Variants in UBXN2A observed in about 807,000 individuals in gnomAD.
UBXN2A encodes the protein UBX domain protein 2A.
In UBXN2A, 28 loss-of-function variants were observed where a neutral mutation model predicts 28.4. That is an observed-to-expected ratio of 0.99 (90% CI 0.73 to 1.35). UBXN2A has a LOEUF of 1.35. UBXN2A is among the 40% of genes most tolerant of loss of function. UBXN2A has a pLI of 0.00. For synonymous variants in UBXN2A, 97 were observed against 103.6 expected (o/e 0.94, Z 0.39); for missense variants, 253 against 297.9 (o/e 0.85, Z 1.11).
chr2:23,964,848 A>G (rs968982332), intron 2 of UBXN2A, among the ~76,000 whole-genome samples: 2 of 152,200 alleles, frequency 1.3e-5, no homozygotes, highest in African/African-American at 4.8e-5. Flanking sequence ...CTGACATTTT[A>G]AGATGTGTTT....
intron 6 of UBXN2A, among the ~76,000 whole-genome samples, chr2:23,988,574 G>A (rs958337157): frequency 6.6e-6 from 1 of 152,148 alleles, no homozygotes; most frequent in African/African-American, 2.4e-5. Flanking sequence ...ATTCCAACAG[G>A]TGGCATCATT....
At chr2:23,966,507 C>T (rs547501260) in intron 2 of UBXN2A, among the ~76,000 whole-genome samples, 4 of 147,012 alleles carry the variant, frequency 2.7e-5, no homozygotes, top group East Asian at 4.0e-4. Context: ...GGCTGGAGTG[C>T]GGTGGCGTGA....
At chr2:23,966,578 G>A (rs1286192879) in intron 2 of UBXN2A, among the ~76,000 whole-genome samples, 10 of 144,790 alleles carry the variant, frequency 6.9e-5, no homozygotes, top group African/African-American at 1.5e-4. Flanking sequence ...TCAGCCTCCC[G>A]AGTAGCTGGG....
chr2:23,960,199 T>C (rs1033808836), intron 2 of UBXN2A, among the ~76,000 whole-genome samples: 1 of 151,714 alleles, frequency 6.6e-6, no homozygotes, highest in African/African-American at 2.4e-5. Flanking sequence ...GAGCTTGCAG[T>C]GAGTCGAGAT....
chr2:23,971,059 A>C (rs1465313170), intron 2 of UBXN2A, among the ~76,000 whole-genome samples: 1 of 152,200 alleles, frequency 6.6e-6, no homozygotes, highest in African/African-American at 2.4e-5. Flanking sequence ...GCAAAGCATT[A>C]TTCATTTCTA....
intron 2 of UBXN2A, among the ~76,000 whole-genome samples, chr2:23,962,430 A>G (rs1294541122): frequency 6.6e-6 from 1 of 152,152 alleles, no homozygotes; most frequent in African/African-American, 2.4e-5. Flanking sequence ...ATTTGGAAAC[A>G]ATATATTTTA....
At chr2:23,942,167 G>A (rs1171117260) in intron 1 of UBXN2A, among the ~76,000 whole-genome samples, 1 of 152,198 alleles carries the variant, frequency 6.6e-6, no homozygotes, top group Admixed American at 6.6e-5. Flanking sequence ...TTGTTTGTGA[G>A]AGAAGGTAAC....
intron 4 of UBXN2A, among the ~76,000 whole-genome samples, chr2:23,980,503 G>C (rs1707848486): frequency 6.6e-6 from 1 of 151,926 alleles, no homozygotes; most frequent in Non-Finnish European, 1.5e-5. Context: ...ATGTCATTCT[G>C]GTTTTGATTT....
At chr2:23,978,017 A>T (rs1439968625) in intron 4 of UBXN2A, among the ~76,000 whole-genome samples, 1 of 151,948 alleles carries the variant, frequency 6.6e-6, no homozygotes, top group Non-Finnish European at 1.5e-5. Context: ...TTTTTTAATA[A>T]CAGTTTCACC....
At chr2:23,935,955 G>A (rs181020172), upstream of UBXN2A, among the ~76,000 whole-genome samples, 1 of 152,260 alleles carries the variant, frequency 6.6e-6, no homozygotes, top group East Asian at 1.9e-4. Flanking sequence ...GAAAAGCTGA[G>A]GTGAGAGAAT....
At chr2:23,990,370 G>C (rs1310797693) in intron 6 of UBXN2A, among the ~76,000 whole-genome samples, 1 of 151,678 alleles carries the variant, frequency 6.6e-6, no homozygotes, top group Non-Finnish European at 1.5e-5. Flanking sequence ...GCTCTGTTGT[G>C]ATTTTTACTG....
upstream of UBXN2A, among the ~76,000 whole-genome samples, chr2:23,935,555 T>C (rs72796351): frequency 0.12 from 18,319 of 152,134 alleles, 1,197 homozygotes; most frequent in Middle Eastern, 0.21. Flanking sequence ...TTCATACTCA[T>C]TAGGGCGGGA....
intron 1 of UBXN2A, chr2:23,944,212 C>T (rs1037103457): frequency 4.7e-5 from 74 of 1,562,938 alleles, no homozygotes; most frequent in Non-Finnish European, 6.2e-5. Flanking sequence ...CTCGTCTTCC[C>T]TCTCATGTAT....
rs915908401 is a variant in UBXN2A at position 24,000,745 on chromosome 2, A to G, written c.*878A>G. Reference sequence around the variant, plus strand: ...ATAAAAGAATAAAATTGTGTAGCTCAGTATAGTATCAAGATTAATCTGCCT... The same window carrying G: ...ATAAAAGAATAAAATTGTGTAGCTCGGTATAGTATCAAGATTAATCTGCCT... On this transcript the variant is annotated 3_prime_UTR_variant, in exon 7 of 7. Transcript: ENST00000309033. The G allele has an allele frequency of 3.3e-5, 5 of 152,120 alleles. No individual in the cohort carries two copies. The highest frequency in any genetic ancestry group is 5.9e-5 in the Non-Finnish European group (4 of 68,026). The allele number at this position is 152,120 out of a possible 1,614,324, so 9.4% of individuals were successfully genotyped here.
At chr2:23,951,827 C>G (rs1447977442) in intron 1 of UBXN2A, among the ~76,000 whole-genome samples, 1 of 152,096 alleles carries the variant, frequency 6.6e-6, no homozygotes, top group East Asian at 1.9e-4. Flanking sequence ...TTATATTTTT[C>G]TCTTTCCTTT....
At chr2:23,933,229 A>G (rs1158244206) in intron 1 of UBXN2A, among the ~76,000 whole-genome samples, 4 of 152,172 alleles carry the variant, frequency 2.6e-5, no homozygotes, top group Non-Finnish European at 5.9e-5. Flanking sequence ...AGAATAGGCC[A>G]AGCGTGGGGG....
chr2:23,980,942 G>T lies in UBXN2A; in HGVS notation c.288-1954G>T, dbSNP rs79370165. On this transcript the variant is annotated intron_variant, in intron 4 of 6. Coordinates refer to ENST00000309033, the MANE Select transcript of UBXN2A (RefSeq NM_181713.4). ...GTGCTCAGCCTGTTTATATTTTCAG[G>T]TGGTTTATTTGCCTTTTTGTTAAGT... Among the ~76,000 whole-genome samples the T allele has an allele frequency of 2.6e-5, 4 of 152,012 alleles. No homozygotes were observed. In the South Asian group the frequency reaches 8.3e-4, roughly 32 times the overall value.
exon 1 of UBXN2A, chr2:23,927,595 C>T (rs1340330203): frequency 7.1e-6 from 1 of 139,884 alleles, no homozygotes; most frequent in Non-Finnish European, 1.5e-5. Flanking sequence ...AAAAATTCAT[C>T]TGGGCGGTAT....
intron 1 of UBXN2A, among the ~76,000 whole-genome samples, chr2:23,941,435 T>G (rs1453407085): frequency 6.6e-6 from 1 of 152,206 alleles, no homozygotes; most frequent in Non-Finnish European, 1.5e-5. Flanking sequence ...AGTATCTTTT[T>G]ATAACACTAA....
Sources: allele counts gnomAD v4.1 joint callset (sites outside exome capture counted in the v4.1 genomes callset), GRCh38; gene constraint gnomAD v4.1.1; transcripts MANE v1.5; gene names NCBI Gene and HGNC (gene_info 2026-07-23, HGNC 2026-07-21).